MYOM2: variants seen among roughly 807,000 people sequenced by gnomAD.
MYOM2 encodes the protein myomesin 2.
A neutral mutation model predicts 187.6 loss-of-function variants in MYOM2; 254 were observed. That is an observed-to-expected ratio of 1.35 (90% CI 1.22 to 1.50). The LOEUF (loss-of-function observed/expected upper bound fraction) is 1.50. MYOM2 is among the 40% of genes most tolerant of loss of function. The pLI, the probability that MYOM2 is intolerant of heterozygous loss-of-function variation, is 0.00. For missense variants in MYOM2, 2,796 were observed against 1,924.0 expected (o/e 1.45, Z -8.48); for synonymous variants, 981 against 753.8 (o/e 1.30, Z -4.94).
intron 6 of MYOM2, among the ~76,000 whole-genome samples, chr8:2,067,339 T>C (rs1252336552): frequency 6.6e-6 from 1 of 152,188 alleles, no homozygotes; most frequent in Non-Finnish European, 1.5e-5. Flanking sequence ...GTTGTTTCTT[T>C]TCCCACGTTA....
chr8:2,144,601 A>AGG, intron 36 of MYOM2, 63 bp from the exon 37 acceptor site: 1 of 1,540,030 alleles, frequency 6.5e-7, no homozygotes, highest in East Asian at 2.2e-5. Context: ...CCACCGTCCG[A>AGG]GGGGGTGACA....
chr8:2,093,327 A>G (rs1418912627), intron 16 of MYOM2, among the ~76,000 whole-genome samples: 1 of 152,218 alleles, frequency 6.6e-6, no homozygotes, highest in Non-Finnish European at 1.5e-5. Context: ...AGTACAGGGA[A>G]ATGGTTAGTG....
intron 6 of MYOM2, among the ~76,000 whole-genome samples, chr8:2,062,283 T>C (rs1818877013): frequency 6.6e-6 from 1 of 152,048 alleles, no homozygotes; most frequent in Non-Finnish European, 1.5e-5. Context: ...GAAGGAAGGA[T>C]GTAACATTGA....
intron 28 of MYOM2, among the ~76,000 whole-genome samples, chr8:2,122,095 T>G (rs1797478284): frequency 6.6e-6 from 1 of 152,238 alleles, no homozygotes; most frequent in Non-Finnish European, 1.5e-5. Flanking sequence ...AAAATTTTTT[T>G]GAAGAAGAGA....
intron 9 of MYOM2, 91 bp downstream of exon 9, chr8:2,072,600 C>T: frequency 9.1e-6 from 13 of 1,434,240 alleles, no homozygotes; most frequent in Non-Finnish European, 1.2e-5. Flanking sequence ...TGGCTTTTGT[C>T]TCTACCACTG....
intron 1 of MYOM2, among the ~76,000 whole-genome samples, chr8:2,048,343 G>C (rs1470121067): frequency 6.6e-6 from 1 of 152,228 alleles, no homozygotes; most frequent in Non-Finnish European, 1.5e-5. Flanking sequence ...GCACCCTGCT[G>C]GTGAACTCCA....
intron 18 of MYOM2, chr8:2,097,102 G>A: frequency 1.0e-6 from 1 of 981,768 alleles, no homozygotes; most frequent in Non-Finnish European, 1.2e-6. Flanking sequence ...GACCTCAGGG[G>A]AGTCACTTAC....
chr8:2,089,166 C>G (rs1796202275), intron 14 of MYOM2, among the ~76,000 whole-genome samples: 1 of 29,886 alleles, frequency 3.3e-5, no homozygotes. Context: ...TTTACTACCA[C>G]AAAACTACTT....
rs759355485 is a variant in MYOM2, at chr8:2,059,213, C to G, written c.621C>G (p.Ser207Arg). The change falls in exon 6 of 37, where the codon AGC (serine) becomes AGG (arginine). Residue 207 changes from serine (S) to arginine (R), a missense_variant. Physicochemically the swap from Ser to Arg is moderately radical, Grantham distance 110. Coordinates refer to ENST00000262113, the MANE Select transcript of MYOM2 (RefSeq NM_003970.4). ...AACCGGGAAAGTACAGGATTGAGAG[C>G]AACTATGGCGTACACACACTGGAGA... ...AAEPGKYRIE[S>R]NYGVHTLEIN... The G allele has an allele frequency of 2.2e-5, 35 of 1,614,170 alleles. No individual in the cohort carries two copies. The East Asian group carries it at 5.8e-4, about 27-fold the overall frequency.
At chr8:2,113,112 T>A (rs1797121746) in intron 25 of MYOM2, among the ~76,000 whole-genome samples, 1 of 152,210 alleles carries the variant, frequency 6.6e-6, no homozygotes, top group African/African-American at 2.4e-5. Context: ...ACTACCGTAT[T>A]GGTAACGCTG....
intron 32 of MYOM2, among the ~76,000 whole-genome samples, chr8:2,136,180 G>A (rs1026915942): frequency 6.6e-6 from 1 of 152,222 alleles, no homozygotes; most frequent in African/African-American, 2.4e-5. Flanking sequence ...CTCGAGGCTG[G>A]GATTGGGGTT....
intron 32 of MYOM2, among the ~76,000 whole-genome samples, chr8:2,136,464 G>A (rs766730054): frequency 3.3e-5 from 5 of 152,210 alleles, no homozygotes; most frequent in Non-Finnish European, 7.3e-5. Context: ...TTTACCCTTC[G>A]TCACTGGCTG....
intron 10 of MYOM2, among the ~76,000 whole-genome samples, chr8:2,074,670 G>C (rs1371670883): frequency 2.0e-5 from 3 of 152,064 alleles, no homozygotes; most frequent in Non-Finnish European, 2.9e-5. Context: ...GGCCAGGCTG[G>C]TCTCGAACTC....
chr8:2,073,218 C>T lies in MYOM2; in HGVS notation c.959-121C>T, dbSNP rs1819295270. Reference sequence around the variant, plus strand: ...GGATTTTACCAGGCTGAGGCTCTGCCTTCCGTGGTGTCCAGCTCGACTGTC... The same window carrying T: ...GGATTTTACCAGGCTGAGGCTCTGCTTTCCGTGGTGTCCAGCTCGACTGTC... On this transcript the variant is annotated intron_variant, in intron 9 of 36. Coordinates refer to ENST00000262113, the MANE Select transcript of MYOM2 (RefSeq NM_003970.4). 6 of 1,103,622 alleles carry T rather than the reference C, an allele frequency of 5.4e-6. No individual in the cohort carries two copies. In the South Asian group the frequency reaches 6.6e-5, roughly 12 times the overall value. 68.4% of individuals were successfully genotyped at this position (1,103,622 alleles called of 1,614,324 possible).
At chr8:2,089,522 A>G (rs942027622) in intron 14 of MYOM2, among the ~76,000 whole-genome samples, 1 of 152,222 alleles carries the variant, frequency 6.6e-6, no homozygotes, top group Non-Finnish European at 1.5e-5. Flanking sequence ...TTTTTAATCT[A>G]TGAACATATC....
In MYOM2 at chr8:2,062,335, T is replaced by C. The variant is rs116880096; in HGVS notation, c.653+3090T>C. Reference sequence around the variant, plus strand: ...CTGACTGCAGACAGGCTGCAGGGCCTGGCAGGCCTGGTGGGAGCCCTTGCT... The same window carrying C: ...CTGACTGCAGACAGGCTGCAGGGCCCGGCAGGCCTGGTGGGAGCCCTTGCT... On this transcript the variant is annotated intron_variant, in intron 6 of 36. Transcript: ENST00000262113. Among the ~76,000 whole-genome samples the C allele has an allele frequency of 7.9e-5, 12 of 152,290 alleles. No homozygotes were observed. In the East Asian group the frequency reaches 2.3e-3, roughly 30 times the overall value.
At chr8:2,099,693 C>T (rs1796617454) in intron 19 of MYOM2, among the ~76,000 whole-genome samples, 1 of 152,174 alleles carries the variant, frequency 6.6e-6, no homozygotes, top group Non-Finnish European at 1.5e-5. Context: ...TAGCTGGGGC[C>T]ACAGGTTCAT....
At chr8:2,059,931 G>A (rs1021889825) in intron 6 of MYOM2, among the ~76,000 whole-genome samples, 10 of 151,908 alleles carry the variant, frequency 6.6e-5, no homozygotes, top group African/African-American at 2.2e-4. Flanking sequence ...TAGTAGAGAC[G>A]GGGTTTCACC....
At chr8:2,056,262 G>A (rs4875927) in intron 3 of MYOM2, among the ~76,000 whole-genome samples, 132,564 of 152,114 alleles carry the variant, frequency 0.87, 57,934 homozygotes, top group East Asian at 1. Context: ...GAGGAAGGAT[G>A]GAGTTTTGAT....
Sources: allele counts gnomAD v4.1 joint callset (sites outside exome capture counted in the v4.1 genomes callset), GRCh38; gene constraint gnomAD v4.1.1; transcripts MANE v1.5; gene names NCBI Gene and HGNC (gene_info 2026-07-23, HGNC 2026-07-21).